TMEM80: variants seen among roughly 807,000 people sequenced by gnomAD.
TMEM80 encodes transmembrane protein 80.
TMEM80 carries 16 observed loss-of-function variants against 13.6 expected under a neutral mutation model. The observed-to-expected ratio is 1.17, with a 90% CI of 0.79 to 1.78. The LOEUF is 1.78. Among genes scored for constraint, TMEM80 ranks in the 40% most tolerant of loss-of-function variants. The probability of loss-of-function intolerance (pLI) is 0.00; values close to 1 mark genes in which losing one functional copy is unlikely to be tolerated. For synonymous variants in TMEM80, 92 were observed against 89.5 expected, an observed-to-expected ratio of 1.03 and a Z score of -0.16; for missense variants, 167 against 184.6, an observed-to-expected ratio of 0.90 and a Z score of 0.55.
chr11:703,106 G>A lies in TMEM80; in HGVS notation c.388G>A (p.Glu130Lys), dbSNP rs150246079. 54 of 1,610,772 alleles carry A rather than the reference G, an allele frequency of 3.4e-5. No homozygotes were observed. Among genetic ancestry groups the A allele is most frequent in the Non-Finnish European group, 4.2e-5 (50 of 1,178,522 alleles). Reference sequence around the variant, plus strand: ...CACGCTCCTGGCCCTTCACGGCCTGGAGGCCGTCCTGCAGGTGGTTGCCAT... The same window carrying A: ...CACGCTCCTGGCCCTTCACGGCCTGAAGGCCGTCCTGCAGGTGGTTGCCAT... ...SATLLALHGL[E>K]AVLQVVAIAA... Residue 130 changes from glutamate to lysine, a missense_variant, in exon 5 of 5, where the codon GAG becomes AAG. By Grantham distance (56) the Glu-to-Lys change is moderately conservative. Transcript: ENST00000397510.
chr11:704,731 C>A, downstream of TMEM80: 1 of 1,124,192 alleles, frequency 8.9e-7, no homozygotes, highest in Non-Finnish European at 1.2e-6. Flanking sequence ...CCAGGTGACC[C>A]GGAGTGGATG....
Position 703,390 on chromosome 11 carries a change from C to T in TMEM80, c.*240C>T. 7.3e-7 allele frequency: 1 copy of T among 1,367,148 alleles called. No individual in the cohort carries two copies. The highest frequency in any genetic ancestry group is 9.4e-7 in the Non-Finnish European group (1 of 1,065,536). 84.7% of individuals were successfully genotyped at this position (1,367,148 alleles called of 1,614,324 possible). A position where few individuals can be genotyped will look rare whatever the true frequency, so the allele number is the denominator to read the frequency against. ...GAGGGTAGGGACCAGACAGAACTGC[C>T]TTCAAGATGAGTCCCAGGAGCGCAC... On this transcript the variant is annotated 3_prime_UTR_variant, in exon 5 of 5. Coordinates refer to ENST00000397510, the MANE Select transcript of TMEM80 (RefSeq NM_001042463.3).
rs567165348 is a variant in TMEM80 at position 700,207 on chromosome 11, C to T, written c.105C>T (p.Leu35=). 9.9e-6 allele frequency: 16 copies of T among 1,614,028 alleles called. No individual in the cohort carries two copies. The highest frequency in any genetic ancestry group is 2.7e-5 in the African/African-American group (2 of 75,040). ...LSGTYYALYF[L]ATLLMITYKS... The stretch of plus-strand genomic sequence containing the variant: ...GAACGTACTACGCCCTGTATTTCCT[C>T]GCCACGCTCCTGATGATCACGTATA... The change falls in exon 3 of 5, where the codon CTC becomes CTT. Residue 35 remains leucine, a synonymous_variant. Transcript: ENST00000397510.
chr11:703,291 T>C lies in TMEM80; in HGVS notation c.*141T>C. ...AGATGGTTTTGGATGGTTCCATCTG[T>C]TCTGGCAGGAGTGGGAGCAGGAGCC... On this transcript the variant is annotated 3_prime_UTR_variant, in exon 5 of 5. Transcript: ENST00000397510. 1 of 1,430,996 alleles carries C rather than the reference T, an allele frequency of 7.0e-7. No homozygotes were observed. The highest frequency in any genetic ancestry group is 9.2e-7 in the Non-Finnish European group (1 of 1,088,546). 88.6% of individuals were successfully genotyped at this position (1,430,996 alleles called of 1,614,324 possible).
downstream of TMEM80, chr11:704,860 G>T: frequency 2.7e-6 from 1 of 363,950 alleles, no homozygotes; most frequent in South Asian, 2.1e-5. Context: ...CCTCTCCAGC[G>T]CCTGTTTCCC....
downstream of TMEM80, chr11:704,291 C>G (rs182028321): frequency 2.0e-4 from 134 of 678,764 alleles, no homozygotes; most frequent in Non-Finnish European, 2.8e-4. Flanking sequence ...CAGGAGGCTG[C>G]GGGACTGTCC....
chr11:703,365 G>C lies in TMEM80; in HGVS notation c.*215G>C, dbSNP rs1015693526. ...CCCTGGTGTTGGGAACAGCTGCGGG[G>C]AGGGTAGGGACCAGACAGAACTGCC... is the stretch of plus-strand genomic sequence containing the variant. On this transcript the variant is annotated 3_prime_UTR_variant, in exon 5 of 5. Transcript: ENST00000397510. 1 of 1,395,010 alleles carries C rather than the reference G, an allele frequency of 7.2e-7. No individual in the cohort carries two copies. The highest frequency in any genetic ancestry group is 1.5e-5 in the African/African-American group (1 of 68,736). The allele number at this position is 1,395,010 out of a possible 1,614,324, so 86.4% of individuals were successfully genotyped here. A position where few individuals can be genotyped will look rare whatever the true frequency, so the allele number is the denominator to read the frequency against.
chr11:701,824 A>G (rs563629233), intron 4 of TMEM80, among the ~76,000 whole-genome samples: 22 of 152,156 alleles, frequency 1.4e-4, no homozygotes, highest in Admixed American at 2.6e-4. Context: ...TAACCACACA[A>G]TTTGTTCAAG....
chr11:704,312 C>T (rs1225504049), downstream of TMEM80: 5 of 744,312 alleles, frequency 6.7e-6, no homozygotes, highest in East Asian at 3.2e-4. Flanking sequence ...TGGGCCTCCA[C>T]TGGGGCTCCC....
rs1861615847 is a variant in TMEM80 at position 704,016 on chromosome 11, C to T, written c.*866C>T. ...TATCTAAGCTGTTACAGTAGCTTTCCCTTCACTTGATTCTATTGTGTGTTT... is the reference window on the plus strand; with the variant it reads ...TATCTAAGCTGTTACAGTAGCTTTCTCTTCACTTGATTCTATTGTGTGTTT... On this transcript the variant is annotated 3_prime_UTR_variant, in exon 5 of 5. Coordinates refer to ENST00000397510, the MANE Select transcript of TMEM80 (RefSeq NM_001042463.3). 8.3e-7 allele frequency: 1 copy of T among 1,203,414 alleles called. No individual in the cohort carries two copies. Among genetic ancestry groups the T allele is most frequent in the Non-Finnish European group, 1.0e-6 (1 of 968,680 alleles). 74.5% of individuals were successfully genotyped at this position (1,203,414 alleles called of 1,614,324 possible).
intron 2 of TMEM80, chr11:699,896 A>G (rs1048436322): frequency 3.9e-6 from 2 of 513,052 alleles, no homozygotes; most frequent in Non-Finnish European, 7.0e-6. Context: ...CAGGGGCTGC[A>G]GTGCACAGAC....
chr11:703,733 TA>T lies in TMEM80; in HGVS notation c.*586del. 1 of 1,232,568 alleles carries T rather than the reference TA, an allele frequency of 8.1e-7. No homozygotes were observed. The highest frequency in any genetic ancestry group is 1.0e-6 in the Non-Finnish European group (1 of 988,648). 76.4% of individuals were successfully genotyped at this position (1,232,568 alleles called of 1,614,324 possible). A position where few individuals can be genotyped will look rare whatever the true frequency, so the allele number is the denominator to read the frequency against. On this transcript the variant is annotated 3_prime_UTR_variant, in exon 5 of 5. Transcript: ENST00000397510. ...AGTGGACTCTGGGTTCCTAAAGCAA[TA>T]AATGCAAACAAGCCAACAGCTCTGC...
intron 1 of TMEM80, chr11:697,404 A>G (rs1861247715): frequency 6.6e-6 from 1 of 152,272 alleles, no homozygotes; most frequent in African/African-American, 2.4e-5. Context: ...AGTCACTGAC[A>G]AAAAATGTTG....
chr11:702,749 G>A (rs1461512248), intron 4 of TMEM80, among the ~76,000 whole-genome samples, 196 bp from the exon 5 acceptor site: 2 of 152,348 alleles, frequency 1.3e-5, no homozygotes, highest in East Asian at 1.9e-4. Context: ...AGGGGCTCAC[G>A]CCTGTGTTGC....
At chr11:700,796 G>A in intron 4 of TMEM80, 89 bp downstream of exon 4, 2 of 1,240,444 alleles carry the variant, frequency 1.6e-6, no homozygotes, top group Middle Eastern at 1.9e-4. Flanking sequence ...TTTATAGTGT[G>A]GTTCTCAGAG....
At chr11:695,773 G>A, upstream of TMEM80, 3 of 1,237,836 alleles carry the variant, frequency 2.4e-6, no homozygotes, top group Non-Finnish European at 3.0e-6. Flanking sequence ...GAGCGCGAGC[G>A]CGCGGGCCGA....
At chr11:697,219 A>G (rs1590032648) in intron 1 of TMEM80, among the ~76,000 whole-genome samples, 1 of 152,154 alleles carries the variant, frequency 6.6e-6, no homozygotes, top group East Asian at 1.9e-4. Flanking sequence ...AGGCCACTGC[A>G]CTCCAGCCTG....
At chr11:701,695 C>T (rs1218307314) in intron 4 of TMEM80, among the ~76,000 whole-genome samples, 1 of 152,084 alleles carries the variant, frequency 6.6e-6, no homozygotes, top group Non-Finnish European at 1.5e-5. Flanking sequence ...AGGCGTGAGC[C>T]ACCGCGCCCG....
downstream of TMEM80, chr11:704,767 T>A: frequency 1.4e-6 from 1 of 705,822 alleles, no homozygotes; most frequent in Non-Finnish European, 2.1e-6. Context: ...GCCTGGACTG[T>A]CTCCTGAGGG....
Sources: allele counts gnomAD v4.1 joint callset (sites outside exome capture counted in the v4.1 genomes callset), GRCh38; gene constraint gnomAD v4.1.1; transcripts MANE v1.5; gene names NCBI Gene and HGNC (gene_info 2026-07-23, HGNC 2026-07-21).